KCNH7: variants seen among roughly 807,000 people sequenced by gnomAD.
KCNH7 encodes potassium voltage-gated channel subfamily H member 7.
KCNH7 carries 49 observed loss-of-function variants against 120.8 expected under a neutral mutation model. The ratio of observed to expected loss-of-function variants is 0.41; its 90% CI spans 0.32 to 0.51. The LOEUF is 0.51. KCNH7 is among the 20% of genes least tolerant of loss of function. The probability of loss-of-function intolerance (pLI) is 0.38; values close to 1 mark genes in which losing one functional copy is unlikely to be tolerated. For synonymous variants in KCNH7, 547 were observed against 516.1 expected (o/e 1.06, Z -0.81); for missense variants, 1,097 against 1,446.6 (o/e 0.76, Z 3.92).
At chr2:162,658,274 T>C (rs1300048820) in intron 2 of KCNH7, among the ~76,000 whole-genome samples, 1 of 152,118 alleles carries the variant, frequency 6.6e-6, no homozygotes, top group African/African-American at 2.4e-5. Context: ...ATATTGTTTT[T>C]GCTCCTTTGT....
chr2:162,607,092 A>G (rs1048518993), intron 2 of KCNH7, among the ~76,000 whole-genome samples: 1 of 151,956 alleles, frequency 6.6e-6, no homozygotes, highest in African/African-American at 2.4e-5. Flanking sequence ...AAATAAGACT[A>G]GAGGCCAGGT....
chr2:162,515,425 C>T (rs1350178761), intron 4 of KCNH7, among the ~76,000 whole-genome samples: 1 of 151,778 alleles, frequency 6.6e-6, no homozygotes, highest in Non-Finnish European at 1.5e-5. Flanking sequence ...ACTGTCCAAA[C>T]ACAGGCTAAG....
intron 2 of KCNH7, among the ~76,000 whole-genome samples, chr2:162,832,325 A>G (rs1685507233): frequency 6.6e-6 from 1 of 152,156 alleles, no homozygotes; most frequent in African/African-American, 2.4e-5. Flanking sequence ...TACATGCCAT[A>G]TAACTTATAT....
chr2:162,599,161 T>C (rs1050179458), intron 2 of KCNH7, among the ~76,000 whole-genome samples: 104 of 151,936 alleles, frequency 6.8e-4, no homozygotes, highest in African/African-American at 2.3e-3. Context: ...GCCAAGATCA[T>C]GTCACTGCAC....
At chr2:162,528,652 G>A (rs984518033) in intron 3 of KCNH7, among the ~76,000 whole-genome samples, 1 of 151,908 alleles carries the variant, frequency 6.6e-6, no homozygotes, top group Non-Finnish European at 1.5e-5. Flanking sequence ...CCATGCATAG[G>A]GCTTTGGAGT....
intron 2 of KCNH7, among the ~76,000 whole-genome samples, chr2:162,786,966 A>G (rs1424235964): frequency 6.6e-6 from 1 of 152,236 alleles, no homozygotes; most frequent in Non-Finnish European, 1.5e-5. Flanking sequence ...GTTTTATATT[A>G]CCTGCATCAA....
intron 2 of KCNH7, among the ~76,000 whole-genome samples, chr2:162,680,017 TAAAGAATG>T (rs758215231): frequency 6.6e-6 from 1 of 151,800 alleles, no homozygotes; most frequent in Non-Finnish European, 1.5e-5. Flanking sequence ...TCTTTCTAGA[TAAAGAATG>T]GCAATATGTG....
intron 2 of KCNH7, among the ~76,000 whole-genome samples, chr2:162,552,828 T>C (rs1692718604): frequency 1.3e-5 from 2 of 152,130 alleles, no homozygotes; most frequent in Admixed American, 6.5e-5. Flanking sequence ...CTTATGACCA[T>C]GGAAAATGGA....
chr2:162,763,728 A>AGTGT lies in KCNH7; in HGVS notation c.307+72805_307+72808dup, dbSNP rs72350942. ...ATTAATCTGGAAGGAAGGCATTTGC[A>AGTGT]GTGTGTGTGTGTGTGTGTGTGTGTG... On this transcript the variant is annotated intron_variant, in intron 2 of 15. Coordinates refer to ENST00000332142, the MANE Select transcript of KCNH7 (RefSeq NM_033272.4). Among the ~76,000 whole-genome samples, 465 of 139,312 alleles carry AGTGT rather than the reference A, an allele frequency of 3.3e-3. 2 individuals carry two copies. The highest frequency in any genetic ancestry group is 1.0e-2 in the African/African-American group (378 of 37,986). The allele number at this position is 139,312 out of a possible 152,430, so 91.4% of individuals were successfully genotyped here. A position where few individuals can be genotyped will look rare whatever the true frequency, so the allele number is the denominator to read the frequency against.
At chr2:162,752,908 GAAAAGAAAAGAAAAGA>G (rs1688616458) in intron 2 of KCNH7, among the ~76,000 whole-genome samples, 11 of 35,958 alleles carry the variant, frequency 3.1e-4, no homozygotes, top group African/African-American at 1.2e-3. Context: ...CTCAGAAAAA[GAAAAGAAAAGAAAAGA>G]AAAGAAAAGA....
intron 2 of KCNH7, among the ~76,000 whole-genome samples, chr2:162,783,354 A>G (rs1370903945): frequency 6.6e-6 from 1 of 152,174 alleles, no homozygotes; most frequent in Admixed American, 6.5e-5. Flanking sequence ...TGCCTGAAAT[A>G]GTGCATTTGC....
At chr2:162,632,090 C>G (rs186184482) in intron 2 of KCNH7, among the ~76,000 whole-genome samples, 10 of 151,826 alleles carry the variant, frequency 6.6e-5, no homozygotes, top group Admixed American at 5.9e-4. Context: ...AAAAGCTGCC[C>G]GTATTTGGAG....
intron 6 of KCNH7, among the ~76,000 whole-genome samples, chr2:162,494,664 C>G (rs1188570741): frequency 6.6e-6 from 1 of 152,026 alleles, no homozygotes; most frequent in African/African-American, 2.4e-5. Flanking sequence ...CTGTAACTAT[C>G]CTGGGTATTT....
intron 6 of KCNH7, among the ~76,000 whole-genome samples, chr2:162,482,127 T>A (rs1194034714): frequency 6.6e-6 from 1 of 152,172 alleles, no homozygotes; most frequent in African/African-American, 2.4e-5. Context: ...TAAGTGCTCT[T>A]TGAGTTTAAG....
chr2:162,429,292 C>T (rs1017502876), intron 8 of KCNH7, among the ~76,000 whole-genome samples: 1 of 150,228 alleles, frequency 6.7e-6, no homozygotes, highest in African/African-American at 2.5e-5. Context: ...TCTCCTTCTA[C>T]ATATGTTATA....
intron 2 of KCNH7, among the ~76,000 whole-genome samples, chr2:162,692,013 A>G (rs1436951267): frequency 6.6e-6 from 1 of 152,100 alleles, no homozygotes; most frequent in Non-Finnish European, 1.5e-5. Context: ...TTGGTACCAT[A>G]TGATCAACTG....
At chr2:162,761,253 T>C (rs955142606) in intron 2 of KCNH7, among the ~76,000 whole-genome samples, 1 of 152,096 alleles carries the variant, frequency 6.6e-6, no homozygotes, top group East Asian at 1.9e-4. Flanking sequence ...TGAATAGATT[T>C]TTCTGATATC....
chr2:162,745,535 A>G (rs1008821195), intron 2 of KCNH7, among the ~76,000 whole-genome samples: 1 of 152,160 alleles, frequency 6.6e-6, no homozygotes, highest in East Asian at 1.9e-4. Flanking sequence ...TTCAATAACA[A>G]TTTCCTTTAA....
chr2:162,735,346 T>C (rs1687868050), intron 2 of KCNH7, among the ~76,000 whole-genome samples: 1 of 152,152 alleles, frequency 6.6e-6, no homozygotes, highest in East Asian at 1.9e-4. Context: ...AGGTTAAAAT[T>C]ATAATAGGAG....
Sources: allele counts gnomAD v4.1 joint callset (sites outside exome capture counted in the v4.1 genomes callset), GRCh38; gene constraint gnomAD v4.1.1; transcripts MANE v1.5; gene names NCBI Gene and HGNC (gene_info 2026-07-23, HGNC 2026-07-21).